The following SCAPER variants were observed in gnomAD, a reference collection of about 807,000 sequenced individuals.
The protein encoded by SCAPER is S-phase cyclin A associated protein in the ER.
A neutral mutation model predicts 182.2 loss-of-function variants in SCAPER; 98 were observed. The observed-to-expected ratio is 0.54, with a 90% CI of 0.46 to 0.64. The LOEUF (loss-of-function observed/expected upper bound fraction) is 0.64. SCAPER is among the 30% of genes least tolerant of loss of function. The pLI, the probability that SCAPER is intolerant of heterozygous loss-of-function variation, is 0.00. For missense variants in SCAPER, 1,432 were observed against 1,690.0 expected (o/e 0.85, Z 2.68); for synonymous variants, 605 against 564.6 (o/e 1.07, Z -1.01).
intron 5 of SCAPER, among the ~76,000 whole-genome samples, chr15:76,816,232 T>C (rs191710902): frequency 6.6e-6 from 1 of 152,374 alleles, no homozygotes; most frequent in East Asian, 1.9e-4. Context: ...CTTTTTACTT[T>C]ATAAACCTTT....
chr15:76,725,365 C>T (rs1598387949), intron 17 of SCAPER, among the ~76,000 whole-genome samples: 1 of 151,334 alleles, frequency 6.6e-6, no homozygotes, highest in Admixed American at 6.6e-5. Flanking sequence ...ATATTGGCTG[C>T]CTCATCCTTT....
intron 27 of SCAPER, among the ~76,000 whole-genome samples, chr15:76,403,677 A>AT (rs2044623926): frequency 6.6e-6 from 1 of 152,246 alleles, no homozygotes; most frequent in Non-Finnish European, 1.5e-5. Context: ...AAAACACATA[A>AT]TTAAAAAATA....
At chr15:76,543,891 G>C (rs1299956235) in intron 23 of SCAPER, among the ~76,000 whole-genome samples, 1 of 152,170 alleles carries the variant, frequency 6.6e-6, no homozygotes, top group Non-Finnish European at 1.5e-5. Flanking sequence ...TCATCAAGAA[G>C]TGAAAAGACA....
chr15:76,813,245 AAAAAAAAAAAC>A (rs1555617049), intron 5 of SCAPER, among the ~76,000 whole-genome samples: 1 of 61,060 alleles, frequency 1.6e-5, no homozygotes, highest in Non-Finnish European at 5.8e-5. Flanking sequence ...AAAAAAAAAA[AAAAAAAAAAAC>A]AACTCAACAA....
chr15:76,608,725 G>A (rs922680973), intron 22 of SCAPER, among the ~76,000 whole-genome samples: 30 of 152,212 alleles, frequency 2.0e-4, no homozygotes, highest in Admixed American at 1.8e-3. Flanking sequence ...CGGCAATGGC[G>A]GGCGCCCCTC....
At chr15:76,584,582 A>G (rs1200761627) in intron 22 of SCAPER, among the ~76,000 whole-genome samples, 1 of 152,220 alleles carries the variant, frequency 6.6e-6, no homozygotes, top group Non-Finnish European at 1.5e-5. Flanking sequence ...TGCAAAATCT[A>G]AGGCTCAAGA....
intron 20 of SCAPER, among the ~76,000 whole-genome samples, chr15:76,689,967 A>AAATAAT (rs3058654): frequency 1.3e-5 from 2 of 151,022 alleles, no homozygotes; most frequent in African/African-American, 4.9e-5. Context: ...ATGAATAAAT[A>AAATAAT]AATATGGGCA....
chr15:76,433,201 C>T (rs1007087941), intron 26 of SCAPER, among the ~76,000 whole-genome samples: 1 of 152,112 alleles, frequency 6.6e-6, no homozygotes, highest in African/African-American at 2.4e-5. Flanking sequence ...CACATTCTAA[C>T]ATCACATATC....
intron 29 of SCAPER, among the ~76,000 whole-genome samples, chr15:76,371,303 A>C (rs1374023356): frequency 1.3e-5 from 2 of 151,896 alleles, no homozygotes; most frequent in Non-Finnish European, 2.9e-5. Context: ...CTACCTTATA[A>C]TATTTCTCTC....
At chr15:76,697,648 A>AT (rs1567831175) in intron 20 of SCAPER, among the ~76,000 whole-genome samples, 2 of 151,830 alleles carry the variant, frequency 1.3e-5, no homozygotes, top group South Asian at 2.1e-4. Context: ...ATTACAAATA[A>AT]TTTTTTTTGA....
chr15:76,620,550 G>A (rs2051935944), intron 22 of SCAPER, among the ~76,000 whole-genome samples: 1 of 152,102 alleles, frequency 6.6e-6, no homozygotes, highest in Non-Finnish European at 1.5e-5. Context: ...ATAAATAAAA[G>A]TAGTAAGCTG....
At chr15:76,395,447 T>G (rs2043984767) in intron 27 of SCAPER, among the ~76,000 whole-genome samples, 1 of 152,220 alleles carries the variant, frequency 6.6e-6, no homozygotes, top group South Asian at 2.1e-4. Flanking sequence ...GTGGTTGTAT[T>G]AATTTGCATT....
At position 76,836,224 on chromosome 15, in the gene SCAPER, T is replaced by G. The variant is rs559440811; in HGVS notation, c.393+5510A>C. On this transcript the variant is annotated intron_variant, in intron 5 of 31. Transcript: ENST00000563290. ...TTCACAGAATTCAAAAAAACTATTCTAAACCTCATGTGGAACCAAAAAAGA... is the reference window on the plus strand; with the variant it reads ...TTCACAGAATTCAAAAAAACTATTCGAAACCTCATGTGGAACCAAAAAAGA... 3.5e-4 allele frequency among the ~76,000 whole-genome samples: 54 copies of G among 152,208 alleles called. 1 individual carries two copies. In the South Asian group the frequency reaches 0.011, roughly 30 times the overall value.
In SCAPER at chr15:76,488,686, G is replaced by A. The variant is rs557122111; in HGVS notation, c.2954+16173C>T. Among the ~76,000 whole-genome samples, 7 of 136,482 alleles carry A rather than the reference G, an allele frequency of 5.1e-5. No individual in the cohort carries two copies. The East Asian group carries it at 1.1e-3, about 22-fold the overall frequency. The allele number at this position is 136,482 out of a possible 152,430, so 89.5% of individuals were successfully genotyped here. A position where few individuals can be genotyped will look rare whatever the true frequency, so the allele number is the denominator to read the frequency against. ...GGACCAATATTCCCTCAATTCTTGC[G>A]TGTTGCATCCTGATAACAGTACACT... is the stretch of plus-strand genomic sequence containing the variant. On this transcript the variant is annotated intron_variant, in intron 24 of 31. Transcript: ENST00000563290.
rs1205230376 is a variant in SCAPER at position 76,506,544 on chromosome 15, G to A, written c.2839-1570C>T. 2.0e-5 allele frequency among the ~76,000 whole-genome samples: 3 copies of A among 152,098 alleles called. No individual in the cohort carries two copies. The East Asian group carries it at 5.8e-4, about 29-fold the overall frequency. ...ATGGGGGAATCAACTATATAATGGG[G>A]AAAGGGTCAGGATAGGCTTCTCTGA... On this transcript the variant is annotated intron_variant, in intron 23 of 31. Transcript: ENST00000563290.
chr15:76,533,744 C>A (rs2043882653), intron 23 of SCAPER, among the ~76,000 whole-genome samples: 1 of 149,716 alleles, frequency 6.7e-6, no homozygotes, highest in African/African-American at 2.5e-5. Flanking sequence ...CTTTAACTGG[C>A]TGTAATAGTT....
chr15:76,563,904 C>CA (rs1230510573), intron 23 of SCAPER, among the ~76,000 whole-genome samples: 4 of 152,088 alleles, frequency 2.6e-5, no homozygotes, highest in Non-Finnish European at 2.9e-5. Flanking sequence ...GAATTAAAGA[C>CA]AAAAAACCCC....
chr15:76,583,361 A>AC (rs1328887859), intron 22 of SCAPER, among the ~76,000 whole-genome samples: 8 of 151,798 alleles, frequency 5.3e-5, no homozygotes, highest in Non-Finnish European at 8.8e-5. Flanking sequence ...AAAAAAAAAA[A>AC]AAAAAAACTT....
At chr15:76,411,018 G>A (rs919269794) in intron 26 of SCAPER, among the ~76,000 whole-genome samples, 2 of 151,968 alleles carry the variant, frequency 1.3e-5, no homozygotes, top group African/African-American at 2.4e-5. Context: ...GACAAGTTTT[G>A]AAGACCATAT....
Sources: gnomAD v4.1 joint callset for allele counts (sites outside exome capture counted in the v4.1 genomes callset) on GRCh38, gnomAD v4.1.1 for gene constraint, MANE v1.5 for transcripts, NCBI Gene and HGNC (gene_info 2026-07-23, HGNC 2026-07-21) for gene names.